Variants in LRRC7 observed in about 807,000 individuals in gnomAD.
LRRC7 encodes leucine-rich repeat-containing protein 7.
LRRC7 carries 23 observed loss-of-function variants against 175.7 expected under a neutral mutation model. That is an observed-to-expected ratio of 0.13 (90% CI 0.09 to 0.19). The LOEUF (loss-of-function observed/expected upper bound fraction) is 0.19, where lower values mean the gene tolerates loss of function less well. Ranked by LOEUF, LRRC7 falls within the 10% of genes least tolerant of loss-of-function variation. The pLI is 1.00. For synonymous variants in LRRC7, 685 were observed against 680.9 expected (o/e 1.01, Z -0.09); for missense variants, 1,354 against 1,904.7 (o/e 0.71, Z 5.38).
intron 2 of LRRC7, among the ~76,000 whole-genome samples, chr1:69,681,321 A>C (rs1359003642): frequency 2.0e-5 from 3 of 152,206 alleles, no homozygotes; most frequent in Non-Finnish European, 4.4e-5. Flanking sequence ...TGCACTAAGA[A>C]TTGAAAGGAA....
rs1253301441 is a variant in LRRC7, at chr1:70,038,285, G to A, written c.2461G>A (p.Glu821Lys). 17 of 1,614,026 alleles carry A rather than the reference G, an allele frequency of 1.1e-5. No homozygotes were observed. Among genetic ancestry groups the A allele is most frequent in the Non-Finnish European group, 1.3e-5 (15 of 1,180,018 alleles). Residue 821 changes from glutamate to lysine, a missense_variant, in exon 21 of 27, where the codon GAA (glutamate) becomes AAA (lysine). By Grantham distance (56) the Glu-to-Lys change is moderately conservative. Coordinates refer to ENST00000651989, the MANE Select transcript of LRRC7 (RefSeq NM_001370785.2). ...HYDNTGFVAE[E>K]TTAENANSNP... The stretch of plus-strand genomic sequence containing the variant: ...TGACAACACAGGGTTTGTTGCTGAG[G>A]AAACCACAGCCGAGAATGCCAACAG...
chr1:69,574,344 A>T (rs959642049), intron 1 of LRRC7, among the ~76,000 whole-genome samples: 2 of 152,144 alleles, frequency 1.3e-5, no homozygotes, highest in African/African-American at 2.4e-5. Context: ...TGGGACAAAC[A>T]ATTGGAAAAG....
chr1:69,866,716 A>T (rs1455602104), intron 7 of LRRC7, among the ~76,000 whole-genome samples: 1 of 124,778 alleles, frequency 8.0e-6, no homozygotes, highest in Non-Finnish European at 1.9e-5. Flanking sequence ...TTAGACTCAA[A>T]ATTAATTCAT....
chr1:69,790,774 C>A (rs1230532412), intron 3 of LRRC7, among the ~76,000 whole-genome samples: 1 of 151,848 alleles, frequency 6.6e-6, no homozygotes. Context: ...CATCTGAGTT[C>A]TCTTTTTGAG....
At chr1:69,826,185 A>G (rs1679888792) in intron 5 of LRRC7, among the ~76,000 whole-genome samples, 1 of 152,184 alleles carries the variant, frequency 6.6e-6, no homozygotes, top group African/African-American at 2.4e-5. Context: ...AAGATACTGC[A>G]AGAGTTTAAG....
At chr1:69,810,954 A>G (rs1010555783) in intron 4 of LRRC7, among the ~76,000 whole-genome samples, 3 of 152,158 alleles carry the variant, frequency 2.0e-5, no homozygotes, top group African/African-American at 7.2e-5. Flanking sequence ...GCGTCTGCAC[A>G]GCAAAAGAAA....
chr1:69,779,005 TACAC>T (rs1332135233), intron 3 of LRRC7, among the ~76,000 whole-genome samples: 2 of 136,510 alleles, frequency 1.5e-5, no homozygotes, highest in African/African-American at 5.5e-5. Flanking sequence ...TACACATATA[TACAC>T]ACACACAAAC....
At chr1:69,967,624 T>C (rs1279940859) in intron 8 of LRRC7, among the ~76,000 whole-genome samples, 3 of 152,148 alleles carry the variant, frequency 2.0e-5, no homozygotes. Context: ...GTTCACATTA[T>C]AGGACTCTGT....
chr1:69,917,030 G>C (rs913067761), intron 7 of LRRC7, among the ~76,000 whole-genome samples: 10 of 152,024 alleles, frequency 6.6e-5, no homozygotes, highest in African/African-American at 2.4e-4. Context: ...AATAATAAAA[G>C]CAATGATTTA....
chr1:69,763,592 AG>A (rs879269158), intron 3 of LRRC7, among the ~76,000 whole-genome samples: 2 of 151,980 alleles, frequency 1.3e-5, no homozygotes, highest in Non-Finnish European at 2.9e-5. Context: ...TACAAGGGGA[AG>A]GGGTGGAAAG....
At chr1:69,767,058 G>A (rs929919667) in intron 3 of LRRC7, among the ~76,000 whole-genome samples, 1 of 151,406 alleles carries the variant, frequency 6.6e-6, no homozygotes, top group Admixed American at 6.6e-5. Context: ...GTTTCTCCTC[G>A]CCCCTGGCAA....
chr1:69,823,789 A>G (rs1174091754), intron 4 of LRRC7, among the ~76,000 whole-genome samples: 3 of 152,050 alleles, frequency 2.0e-5, no homozygotes, highest in Non-Finnish European at 2.9e-5. Context: ...CTTTGTGCCA[A>G]TTGCTTTTCT....
At chr1:69,599,426 T>C (rs1421557255) in intron 1 of LRRC7, among the ~76,000 whole-genome samples, 4 of 152,232 alleles carry the variant, frequency 2.6e-5, no homozygotes, top group African/African-American at 7.2e-5. Context: ...GGGGACTAGA[T>C]AGAACATAAA....
In LRRC7 at chr1:70,036,470, A is replaced by G. The variant is rs1451468387; in HGVS notation, c.2134A>G (p.Lys712Glu). 8 of 1,613,276 alleles carry G rather than the reference A, an allele frequency of 5.0e-6. No individual in the cohort carries two copies. Among genetic ancestry groups the G allele is most frequent in the Non-Finnish European group, 6.8e-6 (8 of 1,179,740 alleles). The change falls in exon 20 of 27, where the codon AAA becomes GAA. Residue 712 changes from lysine (K) to glutamate (E), a missense_variant. Around this residue, in one of 4 missense-constraint regions of LRRC7, gnomAD observed 1,032 missense variants for 1,227.2 expected, o/e 0.84. Transcript: ENST00000651989. Reference sequence around the variant, plus strand: ...ATCAACTGATGAGTCTGAAGTTGACAAAACTCACTGTCTGAATAACAGTGT... The same window carrying G: ...ATCAACTGATGAGTCTGAAGTTGACGAAACTCACTGTCTGAATAACAGTGT... ...KESTDESEVD[K>E]THCLNNSVSS...
intron 2 of LRRC7, among the ~76,000 whole-genome samples, chr1:69,707,941 G>T (rs967469800): frequency 6.6e-6 from 1 of 152,210 alleles, no homozygotes; most frequent in South Asian, 2.1e-4. Flanking sequence ...TGGTTCTAAC[G>T]GGTGGTATAA....
intron 8 of LRRC7, among the ~76,000 whole-genome samples, chr1:69,974,658 T>C (rs537328169): frequency 3.3e-5 from 5 of 152,362 alleles, no homozygotes; most frequent in South Asian, 4.1e-4. Flanking sequence ...TATGAAATGC[T>C]ATTGTATCAT....
At position 69,756,097 on chromosome 1, in the gene LRRC7, T is replaced by C. The variant is rs775535788; in HGVS notation, c.101-4094T>C. 2.4e-4 allele frequency among the ~76,000 whole-genome samples: 37 copies of C among 151,750 alleles called. 1 individual carries two copies. The highest frequency in any genetic ancestry group is 3.5e-4 in the Non-Finnish European group (24 of 67,914). On this transcript the variant is annotated intron_variant, in intron 2 of 26. Transcript: ENST00000651989. Reference sequence around the variant, plus strand: ...ATGGCACCTTGAGACACAAATAGGATACTATGAAAAAAGATGATTCAGGGA... The same window carrying C: ...ATGGCACCTTGAGACACAAATAGGACACTATGAAAAAAGATGATTCAGGGA...
intron 7 of LRRC7, among the ~76,000 whole-genome samples, chr1:69,877,161 C>T (rs1424068883): frequency 6.6e-6 from 1 of 152,136 alleles, no homozygotes; most frequent in Non-Finnish European, 1.5e-5. Flanking sequence ...CATGGTTAGA[C>T]TTTATTTTCT....
chr1:69,673,995 A>T (rs1216930809), intron 1 of LRRC7, among the ~76,000 whole-genome samples: 1 of 152,010 alleles, frequency 6.6e-6, no homozygotes, highest in East Asian at 1.9e-4. Flanking sequence ...TCATATTTAT[A>T]TATATTTTAC....
Sources: gnomAD v4.1 joint callset for allele counts (sites outside exome capture counted in the v4.1 genomes callset) on GRCh38, gnomAD v4.1.1 for gene constraint, gnomAD v4.1.1 regional missense constraint, MANE v1.5 for transcripts, NCBI Gene and HGNC (gene_info 2026-07-23, HGNC 2026-07-21) for gene names.